The following FAM174B variants were observed in gnomAD, a reference collection of about 807,000 sequenced individuals.
FAM174B encodes membrane protein FAM174B.
In FAM174B, 12 loss-of-function variants were observed where a neutral mutation model predicts 10.9. The ratio of observed to expected loss-of-function variants is 1.10; its 90% CI spans 0.71 to 1.79. The LOEUF is 1.79. Ranked by LOEUF, FAM174B falls within the 40% of genes most tolerant of loss-of-function variation. FAM174B has a pLI of 0.00. For missense variants in FAM174B, 266 were observed against 233.3 expected (o/e 1.14, Z -0.91); for synonymous variants, 132 against 115.8 (o/e 1.14, Z -0.90).
intron 1 of FAM174B, among the ~76,000 whole-genome samples, chr15:92,651,797 C>T (rs1183427639): frequency 6.6e-6 from 1 of 152,210 alleles, no homozygotes; most frequent in Non-Finnish European, 1.5e-5. Context: ...ATATATAGTG[C>T]AGTGGAAAAT....
Position 92,655,741 on chromosome 15 carries a change from G to T in FAM174B, c.-82C>A. ...CGCACCAGCACGGAGGCCTGCACCG[G>T]GGGATCCTGCGGCGGAGGCGGCTGC... On this transcript the variant is annotated 5_prime_UTR_variant, in exon 1 of 3. Transcript: ENST00000327355. The T allele has an allele frequency of 8.8e-7, 1 of 1,141,484 alleles. No homozygotes were observed. The highest frequency in any genetic ancestry group is 1.1e-6 in the Non-Finnish European group (1 of 916,838). The allele number at this position is 1,141,484 out of a possible 1,614,324, so 70.7% of individuals were successfully genotyped here.
intron 1 of FAM174B, among the ~76,000 whole-genome samples, chr15:92,652,530 A>G (rs1247422458): frequency 6.6e-6 from 1 of 152,168 alleles, no homozygotes; most frequent in African/African-American, 2.4e-5. Context: ...CCACACATCA[A>G]GGAGTCTGTA....
intron 1 of FAM174B, among the ~76,000 whole-genome samples, chr15:92,647,025 C>A (rs2050932972): frequency 6.6e-6 from 1 of 152,224 alleles, no homozygotes; most frequent in Non-Finnish European, 1.5e-5. Flanking sequence ...CAGAATAAAT[C>A]TCTTTAAATA....
chr15:92,628,631 T>A (rs1391690303), intron 2 of FAM174B, among the ~76,000 whole-genome samples: 1 of 152,156 alleles, frequency 6.6e-6, no homozygotes, highest in Non-Finnish European at 1.5e-5. Flanking sequence ...AAAATGCAAA[T>A]TACAACTAAT....
intron 1 of FAM174B, among the ~76,000 whole-genome samples, chr15:92,632,643 G>C (rs2050826836): frequency 6.6e-6 from 1 of 151,992 alleles, no homozygotes. Context: ...CTGAGAAGCT[G>C]GGACTACAGG....
At chr15:92,642,637 A>G (rs1056264909) in intron 1 of FAM174B, among the ~76,000 whole-genome samples, 1 of 152,198 alleles carries the variant, frequency 6.6e-6, no homozygotes, top group Non-Finnish European at 1.5e-5. Flanking sequence ...CCATGAGGAC[A>G]TGTTTGCTTC....
intron 1 of FAM174B, among the ~76,000 whole-genome samples, chr15:92,640,551 CAAAAAAAAAAAAAAA>C (rs60865026): frequency 1.2e-4 from 8 of 67,724 alleles, no homozygotes; most frequent in South Asian, 9.2e-4. Flanking sequence ...GACTCCATCT[CAAAAAAAAAAAAAAA>C]AAAAAAAAAA....
intron 1 of FAM174B, among the ~76,000 whole-genome samples, chr15:92,650,102 T>G (rs961759711): frequency 6.6e-6 from 1 of 152,142 alleles, no homozygotes; most frequent in African/African-American, 2.4e-5. Context: ...GACAAAAAAA[T>G]TTTTAAATGG....
intron 1 of FAM174B, among the ~76,000 whole-genome samples, chr15:92,637,292 A>G (rs1466957167): frequency 4.6e-5 from 7 of 152,244 alleles, no homozygotes; most frequent in Non-Finnish European, 8.8e-5. Flanking sequence ...ATAAGCCATC[A>G]TGCCACCATC....
intron 1 of FAM174B, among the ~76,000 whole-genome samples, chr15:92,630,670 T>C (rs1486547835): frequency 7.0e-6 from 1 of 143,018 alleles, no homozygotes; most frequent in Non-Finnish European, 1.5e-5. Flanking sequence ...AGATAAATAA[T>C]ACACAAATGC....
intron 1 of FAM174B, among the ~76,000 whole-genome samples, chr15:92,643,644 C>T (rs147449509): frequency 1.6e-4 from 25 of 152,224 alleles, no homozygotes; most frequent in African/African-American, 5.8e-4. Context: ...GCCCCTCTGG[C>T]AGGAGACCCT....
intron 1 of FAM174B, among the ~76,000 whole-genome samples, chr15:92,633,926 C>T (rs372575770): frequency 2.6e-5 from 4 of 152,246 alleles, no homozygotes; most frequent in African/African-American, 9.6e-5. Flanking sequence ...ATCCAAATGC[C>T]ACAAGCAATC....
chr15:92,619,646 CCA>C (rs953108754), intron 2 of FAM174B, 187 bp from the exon 3 acceptor site: 2 of 635,162 alleles, frequency 3.1e-6, no homozygotes, highest in African/African-American at 3.7e-5. Context: ...CCCTCCCTCC[CCA>C]CAGTTCCCAA....
At chr15:92,649,655 A>G (rs1222166663) in intron 1 of FAM174B, among the ~76,000 whole-genome samples, 1 of 152,220 alleles carries the variant, frequency 6.6e-6, no homozygotes, top group Non-Finnish European at 1.5e-5. Context: ...TAAACTGCCC[A>G]TATCAGACAA....
At chr15:92,623,296 G>A (rs2050731902) in intron 2 of FAM174B, among the ~76,000 whole-genome samples, 1 of 152,158 alleles carries the variant, frequency 6.6e-6, no homozygotes, top group Non-Finnish European at 1.5e-5. Context: ...ACATGTGCTA[G>A]GTGACAAGCA....
intron 1 of FAM174B, among the ~76,000 whole-genome samples, chr15:92,633,066 T>C (rs1218307925): frequency 1.3e-5 from 2 of 152,234 alleles, no homozygotes; most frequent in Admixed American, 1.3e-4. Flanking sequence ...TATTCACTGA[T>C]GTCCCTCCTT....
intron 1 of FAM174B, 109 bp from the exon 2 acceptor site, chr15:92,630,454 G>T: frequency 9.6e-7 from 1 of 1,039,378 alleles, no homozygotes; most frequent in Non-Finnish European, 1.4e-6. Flanking sequence ...GTTTAGTCAG[G>T]TTTCCTTCCT....
At position 92,636,338 on chromosome 15, in the gene FAM174B, A is replaced by G. The variant is rs76711700; in HGVS notation, c.345-5993T>C. Reference sequence around the variant, plus strand: ...CAAAATAATAATAATAATAGTCCCTAAAAGTTTAACTTTTCCTGGGTGCCA... The same window carrying G: ...CAAAATAATAATAATAATAGTCCCTGAAAGTTTAACTTTTCCTGGGTGCCA... On this transcript the variant is annotated intron_variant, in intron 1 of 2. Transcript: ENST00000327355. Among the ~76,000 whole-genome samples, 66 of 152,238 alleles carry G rather than the reference A, an allele frequency of 4.3e-4. No homozygotes were observed. The East Asian group carries it at 0.011, about 26-fold the overall frequency.
At chr15:92,620,829 A>C (rs958075224) in intron 2 of FAM174B, among the ~76,000 whole-genome samples, 1 of 151,384 alleles carries the variant, frequency 6.6e-6, no homozygotes, top group Non-Finnish European at 1.5e-5. Flanking sequence ...AAAAAAAAAA[A>C]AAAAAAAAAC....
Sources: allele counts gnomAD v4.1 joint callset (sites outside exome capture counted in the v4.1 genomes callset), GRCh38; gene constraint gnomAD v4.1.1; transcripts MANE v1.5; gene names NCBI Gene and HGNC (gene_info 2026-07-23, HGNC 2026-07-21).